STK4: variants seen among roughly 807,000 people sequenced by gnomAD.
STK4 encodes the protein serine/threonine-protein kinase 4.
A neutral mutation model predicts 64.9 loss-of-function variants in STK4; 30 were observed. The observed-to-expected ratio is 0.46, with a 90% CI of 0.35 to 0.63. STK4 has a LOEUF of 0.63. Ranked by LOEUF, STK4 falls within the 20% of genes least tolerant of loss-of-function variation. The probability of loss-of-function intolerance (pLI) is 0.01; values close to 1 mark genes in which losing one functional copy is unlikely to be tolerated. For missense variants in STK4, 466 were observed against 598.5 expected (o/e 0.78, Z 2.31); for synonymous variants, 177 against 199.0 (o/e 0.89, Z 0.93).
At chr20:45,057,355 A>G (rs1293326470) in intron 10 of STK4, among the ~76,000 whole-genome samples, 1 of 152,226 alleles carries the variant, frequency 6.6e-6, no homozygotes, top group Non-Finnish European at 1.5e-5. Flanking sequence ...GTAACACACT[A>G]TCCCTATTCT....
intron 9 of STK4, among the ~76,000 whole-genome samples, chr20:45,013,077 G>C (rs2068083380): frequency 6.8e-6 from 1 of 147,652 alleles, no homozygotes. Context: ...GGGATTACAA[G>C]TGTGAACCAC....
intron 10 of STK4, among the ~76,000 whole-genome samples, chr20:45,067,312 A>G (rs937111570): frequency 6.6e-6 from 1 of 152,180 alleles, no homozygotes; most frequent in Non-Finnish European, 1.5e-5. Context: ...TCGCCCAACC[A>G]GAAGGGATGA....
intron 10 of STK4, among the ~76,000 whole-genome samples, chr20:45,043,663 C>T (rs1300489861): frequency 1.3e-5 from 2 of 152,136 alleles, no homozygotes; most frequent in African/African-American, 2.4e-5. Flanking sequence ...TTTGAACAGT[C>T]AAAGAAAGTG....
Position 45,010,267 on chromosome 20 carries a change from A to G in STK4, c.1147+8914A>G, listed in dbSNP as rs535022964. Among the ~76,000 whole-genome samples, 9 of 152,156 alleles carry G rather than the reference A, an allele frequency of 5.9e-5. No homozygotes were observed. The South Asian group carries it at 1.5e-3, about 25-fold the overall frequency. ...TTTTTAGTAGAGATGGGGTTTCACC[A>G]TATTGGGCAGGCTGGTCTCCAACTC... On this transcript the variant is annotated intron_variant, in intron 9 of 10. Transcript: ENST00000372806.
chr20:45,061,014 G>C (rs1978948620), intron 10 of STK4, among the ~76,000 whole-genome samples: 1 of 152,158 alleles, frequency 6.6e-6, no homozygotes, highest in Non-Finnish European at 1.5e-5. Flanking sequence ...TTGGGGGATA[G>C]GAAAGTTTCT....
intron 5 of STK4, among the ~76,000 whole-genome samples, chr20:44,988,431 C>T (rs372315329): frequency 4.7e-5 from 7 of 150,326 alleles, no homozygotes; most frequent in East Asian, 2.0e-4. Flanking sequence ...TGGGAGATTG[C>T]GCCATTGCAC....
intron 10 of STK4, among the ~76,000 whole-genome samples, chr20:45,040,931 C>T (rs2068603636): frequency 6.6e-6 from 1 of 152,114 alleles, no homozygotes; most frequent in Non-Finnish European, 1.5e-5. Flanking sequence ...TTTCAATTCA[C>T]AATAAATGTC....
At chr20:44,990,540 T>TA (rs917364094) in intron 5 of STK4, among the ~76,000 whole-genome samples, 54 of 152,188 alleles carry the variant, frequency 3.5e-4, no homozygotes, top group African/African-American at 1.2e-3. Flanking sequence ...CCAGTACTAC[T>TA]AAGTTTAGGC....
intron 9 of STK4, among the ~76,000 whole-genome samples, chr20:45,018,451 G>A (rs1425121321): frequency 2.0e-5 from 3 of 152,116 alleles, no homozygotes; most frequent in Admixed American, 1.3e-4. Flanking sequence ...TCATTCCAAT[G>A]GAACAGTGGG....
rs547359458 is a variant in STK4, at chr20:45,045,813, G to A, written c.1305+20683G>A. On this transcript the variant is annotated intron_variant, in intron 10 of 10. Transcript: ENST00000372806. Reference sequence around the variant, plus strand: ...AAGTGTCTTTTTTTTTTGTTTGTTCGTTTGTTTTTTTGAGAAGGAGTCTCG... The same window carrying A: ...AAGTGTCTTTTTTTTTTGTTTGTTCATTTGTTTTTTTGAGAAGGAGTCTCG... Among the ~76,000 whole-genome samples the A allele has an allele frequency of 1.8e-4, 27 of 150,956 alleles. 1 individual carries two copies. In the South Asian group the frequency reaches 1.9e-3, roughly 11 times the overall value.
chr20:45,020,800 A>G (rs2068233253), intron 9 of STK4, among the ~76,000 whole-genome samples: 1 of 148,658 alleles, frequency 6.7e-6, no homozygotes, highest in Non-Finnish European at 1.5e-5. Context: ...TTTATATTAT[A>G]GTAAAATATA....
At chr20:45,016,723 A>G (rs13038635) in intron 9 of STK4, among the ~76,000 whole-genome samples, 17,389 of 152,194 alleles carry the variant, frequency 0.11, 1,326 homozygotes, top group Middle Eastern at 0.19. Context: ...ATATATTTTG[A>G]AAGATAGCTA....
At chr20:45,016,037 G>A (rs960535479) in intron 9 of STK4, among the ~76,000 whole-genome samples, 1 of 152,108 alleles carries the variant, frequency 6.6e-6, no homozygotes, top group Non-Finnish European at 1.5e-5. Flanking sequence ...GCCACCCCAG[G>A]AATGCCTGAG....
intron 10 of STK4, among the ~76,000 whole-genome samples, chr20:45,069,134 A>G (rs1979836531): frequency 6.6e-6 from 1 of 152,236 alleles, no homozygotes; most frequent in South Asian, 2.1e-4. Context: ...ATAAGACATT[A>G]GTACTGTCAG....
At chr20:45,034,421 T>C (rs2068494200) in intron 10 of STK4, among the ~76,000 whole-genome samples, 1 of 152,090 alleles carries the variant, frequency 6.6e-6, no homozygotes, top group Non-Finnish European at 1.5e-5. Context: ...TTATTTATAA[T>C]TTTATATTAT....
At chr20:45,021,737 T>C (rs890265492) in intron 9 of STK4, among the ~76,000 whole-genome samples, 5 of 152,264 alleles carry the variant, frequency 3.3e-5, no homozygotes, top group African/African-American at 1.2e-4. Flanking sequence ...GAGTCTTAAC[T>C]ATTTTTCACT....
chr20:45,039,832 G>A (rs1116100), intron 10 of STK4, among the ~76,000 whole-genome samples: 134,987 of 152,120 alleles, frequency 0.89, 60,124 homozygotes, highest in East Asian at 0.96. Flanking sequence ...CCACTTTTTG[G>A]TTTCTACTGA....
chr20:45,003,887 T>C (rs2067887177), intron 9 of STK4, among the ~76,000 whole-genome samples: 1 of 151,794 alleles, frequency 6.6e-6, no homozygotes, highest in African/African-American at 2.4e-5. Flanking sequence ...TGGCTACTTT[T>C]TTTGTATTTT....
rs1169069696 is a variant in STK4, at chr20:45,078,213, T to G, written c.*3037T>G. The stretch of plus-strand genomic sequence containing the variant: ...AGAATTCTTTTTTTGTTTGTGTTTT[T>G]TTTTTTTTTTGAGACAGAGTCTCAC... On this transcript the variant is annotated 3_prime_UTR_variant, in exon 11 of 11. Transcript: ENST00000372806. 7 of 151,138 alleles carry G rather than the reference T, an allele frequency of 4.6e-5. No homozygotes were observed. The highest frequency in any genetic ancestry group is 3.9e-4 in the Admixed American group (6 of 15,224). The allele number at this position is 151,138 out of a possible 1,614,324, so 9.4% of individuals were successfully genotyped here.
Sources: allele counts gnomAD v4.1 joint callset (sites outside exome capture counted in the v4.1 genomes callset), GRCh38; gene constraint gnomAD v4.1.1; transcripts MANE v1.5; gene names NCBI Gene and HGNC (gene_info 2026-07-23, HGNC 2026-07-21).